SCRG1: variants seen among roughly 807,000 people sequenced by gnomAD.
The protein encoded by SCRG1 is stimulator of chondrogenesis 1.
SCRG1 carries 3 observed loss-of-function variants against 7.7 expected under a neutral mutation model. The ratio of observed to expected loss-of-function variants is 0.39; its 90% confidence interval spans 0.18 to 1.01. SCRG1 has a LOEUF of 1.01. Among genes scored for constraint, SCRG1 ranks in the 50% least tolerant of loss-of-function variants. The pLI is 0.36. For missense variants in SCRG1, 110 were observed against 117.2 expected (o/e 0.94, Z 0.28); for synonymous variants, 46 against 41.2 (o/e 1.12, Z -0.44).
the SCRG1 span, among the ~76,000 whole-genome samples, chr4:173,497,354 G>A: frequency 6.6e-6 from 1 of 152,030 alleles, no homozygotes; most frequent in Non-Finnish European, 1.5e-5. Context: ...GACTTGGTGC[G>A]ACTTGTGGGT....
At chr4:173,390,831 T>C (rs1739415414) in intron 2 of SCRG1, among the ~76,000 whole-genome samples, 1 of 152,170 alleles carries the variant, frequency 6.6e-6, no homozygotes, top group African/African-American at 2.4e-5. Context: ...GGTTTTCAAG[T>C]TGGTTTAAGA....
chr4:173,437,795 T>A, the SCRG1 span, among the ~76,000 whole-genome samples: 1 of 152,168 alleles, frequency 6.6e-6, no homozygotes, highest in African/African-American at 2.4e-5. Context: ...TACCTTAATC[T>A]TAATTGCAGG....
chr4:173,458,124 G>A, the SCRG1 span, among the ~76,000 whole-genome samples: 1 of 152,154 alleles, frequency 6.6e-6, no homozygotes, highest in African/African-American at 2.4e-5. Context: ...GGGTACCCAG[G>A]ACTGGCTGAA....
chr4:173,410,914 C>T (rs1740021774), upstream of SCRG1, among the ~76,000 whole-genome samples: 1 of 152,206 alleles, frequency 6.6e-6, no homozygotes, highest in African/African-American at 2.4e-5. Flanking sequence ...CCTTTCCTGG[C>T]ACCCACCCAT....
intron 1 of SCRG1, among the ~76,000 whole-genome samples, chr4:173,395,065 G>T (rs1739565464): frequency 6.6e-6 from 1 of 151,874 alleles, no homozygotes; most frequent in South Asian, 2.1e-4. Context: ...GTTCTTTTTT[G>T]GGCTAGTTTT....
chr4:173,484,009 T>C, the SCRG1 span, among the ~76,000 whole-genome samples: 1 of 91,170 alleles, frequency 1.1e-5, no homozygotes, highest in African/African-American at 4.6e-5. Flanking sequence ...ATATTACATA[T>C]TATATAATAT....
the SCRG1 span, among the ~76,000 whole-genome samples, chr4:173,489,444 C>T: frequency 3.1e-4 from 47 of 152,138 alleles, no homozygotes; most frequent in South Asian, 6.2e-4. Context: ...CTGAAGTATA[C>T]TTCATGAGTC....
At chr4:173,491,217 C>CTTTTT in the SCRG1 span, among the ~76,000 whole-genome samples, 8 of 133,056 alleles carry the variant, frequency 6.0e-5, no homozygotes, top group East Asian at 2.2e-4. Flanking sequence ...CTCTCTCTCT[C>CTTTTT]TTTTTTTTTT....
the SCRG1 span, among the ~76,000 whole-genome samples, chr4:173,484,436 CATATGATATAT>C: frequency 2.0e-5 from 1 of 50,592 alleles, no homozygotes; most frequent in Admixed American, 3.8e-4. Flanking sequence ...ATATTATATA[CATATGATATAT>C]AATATATATT....
upstream of SCRG1, among the ~76,000 whole-genome samples, chr4:173,399,850 G>T (rs1374001147): frequency 6.6e-6 from 1 of 152,160 alleles, no homozygotes; most frequent in Non-Finnish European, 1.5e-5. Flanking sequence ...ATATTATATT[G>T]TAATGGAGTT....
At chr4:173,420,299 A>G in the SCRG1 span, among the ~76,000 whole-genome samples, 21 of 152,180 alleles carry the variant, frequency 1.4e-4, no homozygotes, top group Non-Finnish European at 2.2e-4. Flanking sequence ...TCTACAATGA[A>G]CTTACTTATA....
the SCRG1 span, among the ~76,000 whole-genome samples, chr4:173,418,234 C>T: frequency 6.6e-6 from 1 of 152,218 alleles, no homozygotes; most frequent in Non-Finnish European, 1.5e-5. Context: ...TGGCCACTTT[C>T]TTTTGGTTAA....
At chr4:173,408,563 T>C (rs1356100821), upstream of SCRG1, among the ~76,000 whole-genome samples, 2 of 152,234 alleles carry the variant, frequency 1.3e-5, no homozygotes, top group Admixed American at 6.5e-5. Flanking sequence ...GTTTATTTTA[T>C]GTCTTAAGTT....
the SCRG1 span, among the ~76,000 whole-genome samples, chr4:173,434,403 A>G: frequency 6.6e-6 from 1 of 152,218 alleles, no homozygotes. Context: ...ATTTGCCACA[A>G]CTGTAAACCA....
At chr4:173,428,533 A>C in the SCRG1 span, among the ~76,000 whole-genome samples, 1 of 152,238 alleles carries the variant, frequency 6.6e-6, no homozygotes. Flanking sequence ...GACATCCTTC[A>C]TGGAGGCTGT....
upstream of SCRG1, among the ~76,000 whole-genome samples, chr4:173,402,841 C>T (rs117546871): frequency 2.2e-3 from 339 of 152,234 alleles, 9 homozygotes; most frequent in East Asian, 0.048. Flanking sequence ...GTATCCTTGA[C>T]AAAAGGAGCC....
At chr4:173,518,452 C>T in the SCRG1 span, among the ~76,000 whole-genome samples, 17 of 152,200 alleles carry the variant, frequency 1.1e-4, no homozygotes, top group Non-Finnish European at 2.1e-4. Flanking sequence ...TTCCAACACA[C>T]TGTTCAGGAA....
chr4:173,440,479 T>C, the SCRG1 span, among the ~76,000 whole-genome samples: 1 of 152,202 alleles, frequency 6.6e-6, no homozygotes, highest in Non-Finnish European at 1.5e-5. Context: ...TAACATTTAT[T>C]TTGACAGATA....
chr4:173,517,968 C>A, the SCRG1 span, among the ~76,000 whole-genome samples: 1 of 152,272 alleles, frequency 6.6e-6, no homozygotes, highest in Non-Finnish European at 1.5e-5. Flanking sequence ...TAGCTCCTCT[C>A]TCTGCTCCCC....
Sources: allele counts gnomAD v4.1 joint callset (sites outside exome capture counted in the v4.1 genomes callset), GRCh38; gene constraint gnomAD v4.1.1; transcripts MANE v1.5; gene names NCBI Gene and HGNC (gene_info 2026-07-23, HGNC 2026-07-21).